Variants in SDK1 observed in about 807,000 individuals in gnomAD.
SDK1 encodes sidekick cell adhesion molecule 1.
In SDK1, 157 loss-of-function variants were observed where a neutral mutation model predicts 245.5. That is an observed-to-expected ratio of 0.64 (90% CI 0.56 to 0.73). SDK1 has a LOEUF of 0.73. Ranked by LOEUF, SDK1 falls within the 30% of genes least tolerant of loss-of-function variation. The probability of loss-of-function intolerance (pLI) is 0.00; values close to 1 mark genes in which losing one functional copy is unlikely to be tolerated. For missense variants in SDK1, 3,583 were observed against 3,002.3 expected (o/e 1.19, Z -4.52); for synonymous variants, 1,647 against 1,278.5 (o/e 1.29, Z -6.15).
rs530767694 is a variant in SDK1, at chr7:3,514,848, T to C, written c.299-104232T>C. ...TGGATATTGGGCAGTGTAACAATCTTTGCCCCATCACGCGTGCATGCGTGC... is the reference window on the plus strand; with the variant it reads ...TGGATATTGGGCAGTGTAACAATCTCTGCCCCATCACGCGTGCATGCGTGC... On this transcript the variant is annotated intron_variant, in intron 1 of 44. Transcript: ENST00000404826. 5.3e-5 allele frequency among the ~76,000 whole-genome samples: 8 copies of C among 152,334 alleles called. 1 individual carries two copies. Among genetic ancestry groups the C allele is most frequent in the African/African-American group, 1.9e-4 (8 of 41,574 alleles).
intron 35 of SDK1, among the ~76,000 whole-genome samples, chr7:4,195,221 AC>A (rs1311064911): frequency 6.6e-6 from 1 of 152,164 alleles, no homozygotes; most frequent in Non-Finnish European, 1.5e-5. Context: ...AACATTTAAA[AC>A]CTACTCTTCT....
chr7:3,559,808 C>T (rs1001547508), intron 1 of SDK1, among the ~76,000 whole-genome samples: 1 of 149,704 alleles, frequency 6.7e-6, no homozygotes, highest in East Asian at 2.0e-4. Context: ...CACAGATGAA[C>T]TTAATGTCAG....
At chr7:3,475,770 A>G (rs1176285452) in intron 1 of SDK1, among the ~76,000 whole-genome samples, 1 of 152,220 alleles carries the variant, frequency 6.6e-6, no homozygotes, top group Non-Finnish European at 1.5e-5. Context: ...TATTTGTACA[A>G]GACAGTCTTC....
chr7:3,930,138 G>A (rs943752894), intron 5 of SDK1, among the ~76,000 whole-genome samples: 2 of 152,108 alleles, frequency 1.3e-5, no homozygotes, highest in African/African-American at 4.8e-5. Flanking sequence ...GTCCTGATTC[G>A]ATGGGTCTGG....
At chr7:3,736,748 G>C (rs1779328028) in intron 4 of SDK1, among the ~76,000 whole-genome samples, 1 of 152,148 alleles carries the variant, frequency 6.6e-6, no homozygotes, top group Non-Finnish European at 1.5e-5. Flanking sequence ...AAATTAAGTA[G>C]GCACATTCAT....
At chr7:3,661,909 C>T (rs1453428569) in intron 4 of SDK1, among the ~76,000 whole-genome samples, 4 of 152,076 alleles carry the variant, frequency 2.6e-5, no homozygotes, top group Non-Finnish European at 4.4e-5. Context: ...TGTTTAAGCA[C>T]GTGCAACTCT....
chr7:3,506,188 A>G (rs1027437375), intron 1 of SDK1, among the ~76,000 whole-genome samples: 3 of 151,644 alleles, frequency 2.0e-5, no homozygotes, highest in Non-Finnish European at 2.9e-5. Flanking sequence ...GTTCTCTCAG[A>G]TTTTGTTTGC....
chr7:3,323,020 T>C (rs1297159822), intron 1 of SDK1, among the ~76,000 whole-genome samples: 7 of 152,130 alleles, frequency 4.6e-5, no homozygotes, highest in Admixed American at 4.6e-4. Context: ...GAGGCTCGTC[T>C]CAAACTCCTG....
intron 35 of SDK1, among the ~76,000 whole-genome samples, chr7:4,181,165 C>T (rs550637940): frequency 1.8e-4 from 28 of 152,324 alleles, no homozygotes; most frequent in African/African-American, 6.5e-4. Flanking sequence ...GTTCACCTCT[C>T]GATACTTGGT....
chr7:4,108,224 G>C (rs922050438), intron 22 of SDK1, among the ~76,000 whole-genome samples: 7 of 152,174 alleles, frequency 4.6e-5, no homozygotes, highest in Admixed American at 4.6e-4. Flanking sequence ...GCTGCCATGG[G>C]CCCTGATGGG....
At chr7:3,426,230 T>C (rs1413411307) in intron 1 of SDK1, among the ~76,000 whole-genome samples, 1 of 152,028 alleles carries the variant, frequency 6.6e-6, no homozygotes, top group Non-Finnish European at 1.5e-5. Flanking sequence ...TGTAGTACTG[T>C]TTGCTGTGGG....
rs1267290895 is a variant in SDK1 at position 3,301,923 on chromosome 7, C to T, written c.298+39C>T. On this transcript the variant is annotated intron_variant, in intron 1 of 44. Coordinates refer to ENST00000404826, the MANE Select transcript of SDK1 (RefSeq NM_152744.4). ...GGGTCGCGGGCCGGGGGCGTCGCCT[C>T]GGGGCGCGGAGGCGCGAACTTGAGC... The T allele has an allele frequency of 1.7e-5, 19 of 1,124,142 alleles. No individual in the cohort carries two copies. In the East Asian group the frequency reaches 3.1e-4, roughly 18 times the overall value. 69.6% of individuals were successfully genotyped at this position (1,124,142 alleles called of 1,614,324 possible). A position where few individuals can be genotyped will look rare whatever the true frequency, so the allele number is the denominator to read the frequency against.
At chr7:3,949,917 T>C (rs1780731611) in intron 5 of SDK1, among the ~76,000 whole-genome samples, 1 of 152,160 alleles carries the variant, frequency 6.6e-6, no homozygotes, top group African/African-American at 2.4e-5. Flanking sequence ...GGAAGCATAT[T>C]TGGACAGGAG....
At chr7:3,725,797 T>C (rs556873873) in intron 4 of SDK1, among the ~76,000 whole-genome samples, 31 of 152,340 alleles carry the variant, frequency 2.0e-4, no homozygotes, top group East Asian at 1.4e-3. Flanking sequence ...TTTATAAGCA[T>C]GGTCACGAAT....
intron 2 of SDK1, among the ~76,000 whole-genome samples, chr7:3,633,094 G>C (rs1187992380): frequency 6.6e-6 from 1 of 151,822 alleles, no homozygotes; most frequent in Non-Finnish European, 1.5e-5. Flanking sequence ...TCATTTTAAG[G>C]ATAAGAATAG....
intron 4 of SDK1, among the ~76,000 whole-genome samples, chr7:3,731,640 C>G (rs1346656592): frequency 3.9e-5 from 6 of 152,132 alleles, no homozygotes; most frequent in African/African-American, 1.4e-4. Flanking sequence ...ATTTTGTCGT[C>G]TCACCTATTG....
chr7:3,713,196 G>A (rs1031605213), intron 4 of SDK1, among the ~76,000 whole-genome samples: 3 of 152,208 alleles, frequency 2.0e-5, no homozygotes, highest in African/African-American at 4.8e-5. Flanking sequence ...GCTGCTCAGC[G>A]AATTGATGGA....
chr7:3,790,729 C>G (rs538943146), intron 4 of SDK1, among the ~76,000 whole-genome samples: 3 of 152,224 alleles, frequency 2.0e-5, no homozygotes, highest in Admixed American at 2.0e-4. Flanking sequence ...TTGCTTGAAC[C>G]CGGGAGGCAG....
intron 1 of SDK1, among the ~76,000 whole-genome samples, chr7:3,434,013 C>G (rs552806378): frequency 3.6e-4 from 55 of 152,300 alleles, no homozygotes; most frequent in African/African-American, 1.3e-3. Context: ...TCCCACAGAT[C>G]TGATGATTTA....
Sources: gnomAD v4.1 joint callset for allele counts (sites outside exome capture counted in the v4.1 genomes callset) on GRCh38, gnomAD v4.1.1 for gene constraint, MANE v1.5 for transcripts, NCBI Gene and HGNC (gene_info 2026-07-23, HGNC 2026-07-21) for gene names.